The following ZNF208 variants were observed in gnomAD, a reference collection of about 807,000 sequenced individuals.
ZNF208 encodes zinc finger protein 208.
Under a neutral mutation model 12.1 loss-of-function variants are expected in ZNF208, and 10 were observed. The ratio of observed to expected loss-of-function variants is 0.83; its 90% CI spans 0.51 to 1.40. ZNF208 has a LOEUF of 1.40. Ranked by LOEUF, ZNF208 falls within the 40% of genes most tolerant of loss-of-function variation. The probability of loss-of-function intolerance (pLI) is 0.00; values close to 1 mark genes in which losing one functional copy is unlikely to be tolerated. For synonymous variants in ZNF208, 497 were observed against 488.4 expected, an observed-to-expected ratio of 1.02 and a Z score of -0.23; for missense variants, 1,652 against 1,485.0, an observed-to-expected ratio of 1.11 and a Z score of -1.85.
chr19:21,957,829 T>C (rs1485135887), intron 4 of ZNF208, among the ~76,000 whole-genome samples: 1 of 151,740 alleles, frequency 6.6e-6, no homozygotes, highest in African/African-American at 2.4e-5. Context: ...TAAATTTTAT[T>C]TTATTTTATT....
chr19:22,002,942 C>G (rs1970979151), intron 1 of ZNF208, among the ~76,000 whole-genome samples: 1 of 152,180 alleles, frequency 6.6e-6, no homozygotes, highest in African/African-American at 2.4e-5. Context: ...TACCTGACTT[C>G]AAACTACACA....
At chr19:21,948,648 C>G (rs1324555104) in intron 4 of ZNF208, among the ~76,000 whole-genome samples, 2 of 152,150 alleles carry the variant, frequency 1.3e-5, no homozygotes, top group Non-Finnish European at 2.9e-5. Context: ...AAGTGAGCCC[C>G]AGGAAAGTTC....
chr19:21,973,105 G>C lies in ZNF208; in HGVS notation c.1929C>G (p.Gly643=), dbSNP rs1472668039. Residue 643 remains glycine, a synonymous_variant, in exon 4 of 4, where the codon GGC becomes GGG. Transcript: ENST00000397126. ...GEKPYKCKEC[G]KTFIKVSTLT... is the part of the protein sequence containing the mutation. ...GGGTTGAGACCTTAATAAAGGTTTT[G>C]CCACATTCTTTACATTTGTAGGGCT... 1 of 1,613,408 alleles carries C rather than the reference G, an allele frequency of 6.2e-7. No individual in the cohort carries two copies. Among genetic ancestry groups the C allele is most frequent in the East Asian group, 2.2e-5 (1 of 44,804 alleles).
Position 22,004,331 on chromosome 19 carries a change from C to T in ZNF208, c.3+6461G>A, listed in dbSNP as rs186663696. 1.2e-3 allele frequency among the ~76,000 whole-genome samples: 177 copies of T among 152,210 alleles called. 1 individual carries two copies. Among genetic ancestry groups the T allele is most frequent in the African/African-American group, 3.7e-3 (154 of 41,526 alleles). On this transcript the variant is annotated intron_variant, in intron 1 of 3. Transcript: ENST00000397126. The stretch of plus-strand genomic sequence containing the variant: ...AGGAGTTCGAGACTAGCCTGGCCAA[C>T]GTGGCAAAACCCCATCTATACTAAA...
Position 21,972,447 on chromosome 19 carries a change from A to C in ZNF208, c.2587T>G (p.Cys863Gly). Residue 863 changes from cysteine to glycine, a missense_variant, in exon 4 of 4, where the codon TGT (cysteine) becomes GGT (glycine). Cys to Gly is a radical substitution (Grantham distance 159). Transcript: ENST00000397126. ...VIHTGEKPYKCEECGKAYKWP... is the reference protein window; with the variant it reads ...VIHTGEKPYKGEECGKAYKWP... ...TTATAGGCTTTGCCACATTCTTCAC[A>C]TTTGTAGGGTTTCTCTCCAGTATGA... 6.2e-7 allele frequency: 1 copy of C among 1,613,034 alleles called. No individual in the cohort carries two copies. Among genetic ancestry groups the C allele is most frequent in the Non-Finnish European group, 8.5e-7 (1 of 1,179,866 alleles).
rs1305329730 is a variant in ZNF208 at position 21,974,770 on chromosome 19, C to T, written c.264G>A (p.Glu88=). 2 of 1,587,828 alleles carry T rather than the reference C, an allele frequency of 1.3e-6. No homozygotes were observed. Among genetic ancestry groups the T allele is most frequent in the Admixed American group, 1.8e-5 (1 of 54,642 alleles). Residue 88 remains glutamate, a synonymous_variant, in exon 4 of 4, where the codon GAG becomes GAA. Coordinates refer to ENST00000397126, the MANE Select transcript of ZNF208 (RefSeq NM_007153.3). ...CSHFAQDLWP[E]QGIEDSFQKV... ...TTTGGAAAGAATCTTCTATGCCCTGCTCTGGCCAAAGATCTTGAGCAAAAT... is the reference window on the plus strand; with the variant it reads ...TTTGGAAAGAATCTTCTATGCCCTGTTCTGGCCAAAGATCTTGAGCAAAAT...
intron 1 of ZNF208, among the ~76,000 whole-genome samples, chr19:21,993,428 G>T (rs1364802745): frequency 2.6e-5 from 4 of 151,746 alleles, no homozygotes. Flanking sequence ...CTTCCACCAA[G>T]AACAATAAAC....
At chr19:21,946,243 G>A (rs1361555739) in intron 4 of ZNF208, among the ~76,000 whole-genome samples, 3 of 152,098 alleles carry the variant, frequency 2.0e-5, no homozygotes, top group African/African-American at 7.2e-5. Flanking sequence ...CAAGGTCTTT[G>A]GCCAAGCTTT....
rs141438425 is a variant in ZNF208, at chr19:21,954,160, A to G, written c.305+20569T>C. Among the ~76,000 whole-genome samples, 374 of 152,286 alleles carry G rather than the reference A, an allele frequency of 2.5e-3. 2 individuals carry two copies. Among genetic ancestry groups the G allele is most frequent in the African/African-American group, 8.2e-3 (342 of 41,574 alleles). On this transcript the variant is annotated intron_variant, in intron 4 of 4. Coordinates refer to the ZNF208 transcript ENST00000599916. Reference sequence around the variant, plus strand: ...TTAGCAGTTTTGAGTGAGTTTCTTAATCCTGAGTTCTAATTTGATTGCACT... The same window carrying G: ...TTAGCAGTTTTGAGTGAGTTTCTTAGTCCTGAGTTCTAATTTGATTGCACT...
chr19:21,943,759 C>T (rs1969778233), intron 4 of ZNF208, among the ~76,000 whole-genome samples: 1 of 152,084 alleles, frequency 6.6e-6, no homozygotes, highest in Admixed American at 6.5e-5. Context: ...AACTATGAGT[C>T]TTACTGGGTA....
chr19:22,005,695 A>G lies in ZNF208; in HGVS notation c.3+5097T>C, dbSNP rs181001733. 2.9e-3 allele frequency among the ~76,000 whole-genome samples: 447 copies of G among 152,216 alleles called. 3 individuals carry two copies. Among genetic ancestry groups the G allele is most frequent in the African/African-American group, 9.9e-3 (409 of 41,522 alleles). The stretch of plus-strand genomic sequence containing the variant: ...ACTCCCATAACCTTTTTGAAATTCA[A>G]TAACCTGATACAGCTACTCACAGAA... On this transcript the variant is annotated intron_variant, in intron 1 of 3. Coordinates refer to ENST00000397126, the MANE Select transcript of ZNF208 (RefSeq NM_007153.3).
intron 3 of ZNF208, among the ~76,000 whole-genome samples, chr19:21,983,283 T>C (rs1430648164): frequency 1.3e-5 from 2 of 151,832 alleles, no homozygotes; most frequent in African/African-American, 2.4e-5. Context: ...ATTAGAGAAA[T>C]GCAAATCAAA....
At chr19:21,977,892 T>G (rs1970462694) in intron 3 of ZNF208, among the ~76,000 whole-genome samples, 1 of 152,036 alleles carries the variant, frequency 6.6e-6, no homozygotes. Context: ...TCGAGCTTGG[T>G]GGGGGAAGGG....
At chr19:21,996,061 G>C (rs1301924164) in intron 1 of ZNF208, among the ~76,000 whole-genome samples, 1 of 152,164 alleles carries the variant, frequency 6.6e-6, no homozygotes, top group African/African-American at 2.4e-5. Context: ...GTTACAGCAA[G>C]TAGAGTGAAA....
chr19:22,007,244 G>T (rs544855443), intron 1 of ZNF208, among the ~76,000 whole-genome samples: 1 of 152,212 alleles, frequency 6.6e-6, no homozygotes, highest in South Asian at 2.1e-4. Context: ...TGAGGGCCGG[G>T]CACGGTGGCT....
Position 21,966,574 on chromosome 19 carries a change from C to G in ZNF208, c.*4617G>C, listed in dbSNP as rs1247945103. 1 of 152,096 alleles carries G rather than the reference C, an allele frequency of 6.6e-6. No individual in the cohort carries two copies. The highest frequency in any genetic ancestry group is 1.5e-5 in the Non-Finnish European group (1 of 68,022). The allele number at this position is 152,096 out of a possible 1,614,324, so 9.4% of individuals were successfully genotyped here. ...TAGTGCTGCAATGAACATGTGAGTG[C>G]TGGTGTCTCTTTGGCAAAATTATTT... On this transcript the variant is annotated 3_prime_UTR_variant, in exon 4 of 4. Transcript: ENST00000397126.
At position 21,978,357 on chromosome 19, in the gene ZNF208, G is replaced by A. The variant is rs143694183; in HGVS notation, c.227-3550C>T. ...GGCACATGGCAGGTGGCCTTGGGAC[G>A]AAGCTTCCAGAGGAAGGAACAGGCA... On this transcript the variant is annotated intron_variant, in intron 3 of 3. Coordinates refer to ENST00000397126, the MANE Select transcript of ZNF208 (RefSeq NM_007153.3). Among the ~76,000 whole-genome samples the A allele has an allele frequency of 4.9e-4, 75 of 152,300 alleles. No homozygotes were observed. The East Asian group carries it at 7.9e-3, about 16-fold the overall frequency.
In ZNF208 at chr19:21,971,466, T is replaced by C. The variant is rs769349076; in HGVS notation, c.3568A>G (p.Ile1190Val). The C allele has an allele frequency of 1.2e-6, 2 of 1,611,296 alleles. No homozygotes were observed. The highest frequency in any genetic ancestry group is 2.2e-5 in the East Asian group (1 of 44,818). ...MFSILAKHKV[I>V]HTGEKLYKCE... ...TTGTAGAGTTTCTCTCCAGTATGAA[T>C]TACCTTATGTTTTGCAAGGATTGAG... Residue 1190 changes from isoleucine (I) to valine (V), a missense_variant, in exon 4 of 4, where the codon ATT becomes GTT. Physicochemically the swap from Ile to Val is conservative, Grantham distance 29 (BLOSUM62 3). Coordinates refer to ENST00000397126, the MANE Select transcript of ZNF208 (RefSeq NM_007153.3).
chr19:21,965,590 C>G (rs1970148932), downstream of ZNF208: 1 of 151,976 alleles, frequency 6.6e-6, no homozygotes, highest in South Asian at 2.1e-4. Context: ...TACCTTCTGA[C>G]CCATTATTTC....
Sources: allele counts gnomAD v4.1 joint callset (sites outside exome capture counted in the v4.1 genomes callset), GRCh38; gene constraint gnomAD v4.1.1; transcripts MANE v1.5; gene names NCBI Gene and HGNC (gene_info 2026-07-23, HGNC 2026-07-21).